Variants in WTIP observed in about 807,000 individuals in gnomAD.
The protein encoded by WTIP is WT1 interacting protein, also known as Wilms tumor protein 1-interacting protein.
A neutral mutation model predicts 41.7 loss-of-function variants in WTIP; 23 were observed. The ratio of observed to expected loss-of-function variants is 0.55; its 90% CI spans 0.40 to 0.78. The LOEUF (loss-of-function observed/expected upper bound fraction) is 0.78, where lower values mean the gene tolerates loss of function less well. Among genes scored for constraint, WTIP ranks in the 30% least tolerant of loss-of-function variants. WTIP has a pLI of 0.00. For synonymous variants in WTIP, 314 were observed against 269.9 expected, an observed-to-expected ratio of 1.16 and a Z score of -1.60; for missense variants, 619 against 610.5, an observed-to-expected ratio of 1.01 and a Z score of -0.15.
At chr19:34,490,571 A>G in intron 2 of WTIP, 94 bp downstream of exon 2, 1 of 1,281,334 alleles carries the variant, frequency 7.8e-7, no homozygotes, top group East Asian at 2.4e-5. Context: ...GTCCAGGCAG[A>G]TGGACCACCT....
At chr19:34,482,990 T>C (rs1228241109) in intron 1 of WTIP, among the ~76,000 whole-genome samples, 1 of 150,834 alleles carries the variant, frequency 6.6e-6, no homozygotes. Context: ...TTTCTTCTTT[T>C]TTTTTTTTCT....
intron 7 of WTIP, among the ~76,000 whole-genome samples, chr19:34,496,850 G>A (rs1358826332): frequency 6.6e-6 from 1 of 151,476 alleles, no homozygotes. Flanking sequence ...ACTGGCGTGT[G>A]GCGCTCTCTT....
chr19:34,481,967 G>T lies in WTIP; in HGVS notation c.-8G>T. ...GGAGGTGACGCGCCAGGGCCGGCGG[G>T]CCGGGCCATGCAGCGCTCCAGGGCG... On this transcript the variant is annotated 5_prime_UTR_variant, in exon 1 of 8. Coordinates refer to ENST00000590071, the MANE Select transcript of WTIP (RefSeq NM_001080436.2). 1.0e-6 allele frequency: 1 copy of T among 1,002,780 alleles called. No individual in the cohort carries two copies. The highest frequency in any genetic ancestry group is 4.5e-5 in the South Asian group (1 of 22,308). The allele number at this position is 1,002,780 out of a possible 1,614,324, so 62.1% of individuals were successfully genotyped here.
In WTIP at chr19:34,500,348, C is replaced by A; in HGVS notation, c.*79C>A. ...CCGCGTGGGTGGCCCTGGTCAGCGT[C>A]AGGGGAGCTCCCTCCAATCAGTTTC... On this transcript the variant is annotated 3_prime_UTR_variant, in exon 8 of 8. Coordinates refer to ENST00000590071, the MANE Select transcript of WTIP (RefSeq NM_001080436.2). 7.0e-7 allele frequency: 1 copy of A among 1,426,540 alleles called. No homozygotes were observed. The highest frequency in any genetic ancestry group is 9.2e-7 in the Non-Finnish European group (1 of 1,083,676). The allele number at this position is 1,426,540 out of a possible 1,614,324, so 88.4% of individuals were successfully genotyped here. A position where few individuals can be genotyped will look rare whatever the true frequency, so the allele number is the denominator to read the frequency against.
At chr19:34,488,905 A>AG (rs969994273) in intron 1 of WTIP, among the ~76,000 whole-genome samples, 2 of 149,032 alleles carry the variant, frequency 1.3e-5, no homozygotes, top group African/African-American at 4.9e-5. Context: ...TCTCCTAAAA[A>AG]AAAAAAAAAA....
intron 7 of WTIP, among the ~76,000 whole-genome samples, chr19:34,497,609 G>A (rs936387085): frequency 6.6e-6 from 1 of 152,174 alleles, no homozygotes; most frequent in Admixed American, 6.5e-5. Context: ...GACTGAGGAG[G>A]CCTGGGCAGG....
chr19:34,492,371 T>TC (rs1323453718), intron 2 of WTIP, among the ~76,000 whole-genome samples: 5 of 121,918 alleles, frequency 4.1e-5, no homozygotes, highest in Non-Finnish European at 6.8e-5. Flanking sequence ...TGCCTCAGCC[T>TC]CCCAGGAGGC....
At position 34,500,416 on chromosome 19, in the gene WTIP, G is replaced by A. The variant is rs1303441769; in HGVS notation, c.*147G>A. 8.6e-7 allele frequency: 1 copy of A among 1,161,362 alleles called. No individual in the cohort carries two copies. Among genetic ancestry groups the A allele is most frequent in the African/African-American group, 1.5e-5 (1 of 64,586 alleles). 71.9% of individuals were successfully genotyped at this position (1,161,362 alleles called of 1,614,324 possible). ...GCAGGGGCCGGACCCCCGCGTGGAA[G>A]CTTCTATTTATTCACCGTCTGTGCC... On this transcript the variant is annotated 3_prime_UTR_variant, in exon 8 of 8. Transcript: ENST00000590071.
chr19:34,492,195 C>T (rs570530463), intron 2 of WTIP, among the ~76,000 whole-genome samples: 220 of 148,080 alleles, frequency 1.5e-3, no homozygotes, highest in African/African-American at 5.1e-3. Flanking sequence ...TCACTGCAGC[C>T]TTGACTTCCT....
intron 1 of WTIP, among the ~76,000 whole-genome samples, chr19:34,486,143 G>A (rs944069698): frequency 2.0e-5 from 3 of 152,048 alleles, no homozygotes; most frequent in Non-Finnish European, 4.4e-5. Flanking sequence ...CACTCTAGCA[G>A]TCCTTAGTGG....
rs2075933480 is a variant in WTIP at position 34,511,620 on chromosome 19, C to T, written c.*11351C>T. On this transcript the variant is annotated 3_prime_UTR_variant, in exon 8 of 8. Transcript: ENST00000590071. ...CACCTTGCCCACTAGAACATCTGTG[C>T]CAAGCAGTGTTCCCATCAATCATAG... The T allele has an allele frequency of 6.6e-6, 1 of 152,216 alleles. No individual in the cohort carries two copies. The highest frequency in any genetic ancestry group is 6.5e-5 in the Admixed American group (1 of 15,284). 9.4% of individuals were successfully genotyped at this position (152,216 alleles called of 1,614,324 possible).
intron 1 of WTIP, among the ~76,000 whole-genome samples, chr19:34,488,162 G>T (rs965052021): frequency 6.7e-6 from 1 of 150,044 alleles, no homozygotes; most frequent in African/African-American, 2.4e-5. Flanking sequence ...TGCAACCTCC[G>T]CCCCCCAGGT....
rs1317133169 is a variant in WTIP at position 34,495,782 on chromosome 19, G to GC, written c.1152+14dup. The GC allele has an allele frequency of 6.2e-7, 1 of 1,613,298 alleles. No individual in the cohort carries two copies. The highest frequency in any genetic ancestry group is 8.5e-7 in the Non-Finnish European group (1 of 1,179,860). ...TGTTACCACTGTGAGGTGAGCCTGG[G>GC]CCCACAGGAGGCTGGCAGCTGGGGC... On this transcript the variant is annotated intron_variant, in intron 7 of 7. Coordinates refer to ENST00000590071, the MANE Select transcript of WTIP (RefSeq NM_001080436.2).
At chr19:34,499,348 A>C (rs372209301) in intron 7 of WTIP, among the ~76,000 whole-genome samples, 2 of 151,366 alleles carry the variant, frequency 1.3e-5, no homozygotes, top group South Asian at 2.1e-4. Flanking sequence ...CACTACAAAA[A>C]ATAAACAAAA....
At chr19:34,485,664 G>T (rs1037883021) in intron 1 of WTIP, among the ~76,000 whole-genome samples, 4 of 151,592 alleles carry the variant, frequency 2.6e-5, no homozygotes, top group Non-Finnish European at 5.9e-5. Flanking sequence ...TGAGATCAGC[G>T]CTCATTGCAG....
intron 1 of WTIP, among the ~76,000 whole-genome samples, chr19:34,483,373 A>G (rs942167119): frequency 6.6e-6 from 1 of 151,632 alleles, no homozygotes; most frequent in Admixed American, 6.6e-5. Flanking sequence ...TGATCCTTTC[A>G]TGCTTCGTGA....
rs1281474966 is a variant in WTIP, at chr19:34,503,189, G to A, written c.*2920G>A. 1 of 152,312 alleles carries A rather than the reference G, an allele frequency of 6.6e-6. No individual in the cohort carries two copies. Among genetic ancestry groups the A allele is most frequent in the Admixed American group, 6.5e-5 (1 of 15,290 alleles). The allele number at this position is 152,312 out of a possible 1,614,324, so 9.4% of individuals were successfully genotyped here. A position where few individuals can be genotyped will look rare whatever the true frequency, so the allele number is the denominator to read the frequency against. ...GCCCTTGGGGCAGTGGCCTCACCAGGCCACACTCTGCCCTTTCTTTCTGGG... is the reference window on the plus strand; with the variant it reads ...GCCCTTGGGGCAGTGGCCTCACCAGACCACACTCTGCCCTTTCTTTCTGGG... On this transcript the variant is annotated 3_prime_UTR_variant, in exon 8 of 8. Transcript: ENST00000590071.
Position 34,500,145 on chromosome 19 carries a change from T to A in WTIP, c.1169T>A (p.Leu390Gln), listed in dbSNP as rs748492621. Residue 390 changes from leucine (L) to glutamine (Q), a missense_variant, in exon 8 of 8, where the codon CTG becomes CAG. Leu to Gln is a moderately radical substitution (Grantham distance 113, BLOSUM62 -2). Around this residue, in one of 3 missense-constraint regions of WTIP, gnomAD observed 92 missense variants for 82.4 expected, o/e 1.12. Transcript: ENST00000590071. ...CYHCEDCGLQ[L>Q]SGEEGRRCYP... ...CTTCCCTAGGACTGCGGGCTGCAGC[T>A]GAGCGGGGAGGAGGGACGCCGTTGC... The A allele has an allele frequency of 3.1e-6, 5 of 1,600,384 alleles. No homozygotes were observed. The East Asian group carries it at 8.9e-5, about 29-fold the overall frequency.
rs1047688741 is a variant in WTIP, at chr19:34,508,930, C to T, written c.*8661C>T. ...CACATGAAAATTTTCTTCTACAACA[C>T]GACATACGTTCATTGTGGTACATTT... is the stretch of plus-strand genomic sequence containing the variant. On this transcript the variant is annotated 3_prime_UTR_variant, in exon 8 of 8. Coordinates refer to ENST00000590071, the MANE Select transcript of WTIP (RefSeq NM_001080436.2). 5.3e-5 allele frequency: 8 copies of T among 152,230 alleles called. No individual in the cohort carries two copies. Among genetic ancestry groups the T allele is most frequent in the African/African-American group, 4.8e-5 (2 of 41,450 alleles). The allele number at this position is 152,230 out of a possible 1,614,324, so 9.4% of individuals were successfully genotyped here.
Sources: allele counts gnomAD v4.1 joint callset (sites outside exome capture counted in the v4.1 genomes callset), GRCh38; gene constraint gnomAD v4.1.1; regional missense constraint gnomAD v4.1.1; transcripts MANE v1.5; gene names NCBI Gene and HGNC (gene_info 2026-07-23, HGNC 2026-07-21).